Variants in ASTN2 observed in about 807,000 individuals in gnomAD.
ASTN2 encodes astrotactin-2.
A neutral mutation model predicts 139.8 loss-of-function variants in ASTN2; 54 were observed. The observed-to-expected ratio is 0.39, with a 90% CI of 0.31 to 0.48. ASTN2 has a LOEUF of 0.48. ASTN2 is among the 20% of genes least tolerant of loss of function. ASTN2 has a pLI of 0.95. For missense variants in ASTN2, 1,565 were observed against 1,725.1 expected (o/e 0.91, Z 1.64); for synonymous variants, 756 against 719.5 (o/e 1.05, Z -0.81).
chr9:117,272,698 G>C (rs1367964796), intron 2 of ASTN2, among the ~76,000 whole-genome samples: 1 of 152,104 alleles, frequency 6.6e-6, no homozygotes, highest in African/African-American at 2.4e-5. Context: ...CAAATCTCTA[G>C]GGCAAGGGCA....
intron 11 of ASTN2, among the ~76,000 whole-genome samples, chr9:116,827,312 C>A (rs868635077): frequency 0.034 from 2,657 of 77,138 alleles, 49 homozygotes; most frequent in African/African-American, 0.1. Context: ...TCCATCCCCC[C>A]CAAAAAAAAA....
At chr9:117,096,962 G>T (rs1430208526) in intron 4 of ASTN2, among the ~76,000 whole-genome samples, 1 of 152,194 alleles carries the variant, frequency 6.6e-6, no homozygotes, top group Non-Finnish European at 1.5e-5. Context: ...GGGAGGCCTT[G>T]GGTGCCAAAC....
At chr9:116,630,846 C>CA (rs142394893) in intron 17 of ASTN2, among the ~76,000 whole-genome samples, 3,587 of 151,500 alleles carry the variant, frequency 0.024, 138 homozygotes, top group African/African-American at 0.082. Context: ...TATATAATAG[C>CA]AAAAAAATCC....
chr9:117,140,527 G>A (rs963838469), intron 4 of ASTN2, among the ~76,000 whole-genome samples: 4 of 152,016 alleles, frequency 2.6e-5, no homozygotes, highest in Middle Eastern at 3.4e-3. Context: ...ATAGATGGTA[G>A]AAGAAGAAAG....
chr9:116,978,522 C>CACACACAG (rs138804229), intron 7 of ASTN2, among the ~76,000 whole-genome samples: 9 of 150,278 alleles, frequency 6.0e-5, no homozygotes, highest in African/African-American at 2.0e-4. Flanking sequence ...CACACACACA[C>CACACACAG]AGAGAGATAA....
chr9:116,618,172 C>G (rs1855946270), intron 19 of ASTN2, 152 bp downstream of exon 19: 1 of 760,864 alleles, frequency 1.3e-6, no homozygotes, highest in Non-Finnish European at 2.0e-6. Flanking sequence ...TACAAAACAG[C>G]ACACAAGGAT....
chr9:116,604,237 C>T (rs1855069220), intron 19 of ASTN2, among the ~76,000 whole-genome samples: 1 of 152,068 alleles, frequency 6.6e-6, no homozygotes, highest in South Asian at 2.1e-4. Flanking sequence ...CTATAAAGAA[C>T]TTTGTGATAT....
chr9:116,838,210 C>T (rs1214577490), intron 11 of ASTN2, among the ~76,000 whole-genome samples: 4 of 150,888 alleles, frequency 2.7e-5, no homozygotes, highest in Admixed American at 6.6e-5. Context: ...CCCAGGTTCA[C>T]GCGATTCTCC....
chr9:117,189,841 A>G (rs1831301071), intron 3 of ASTN2, among the ~76,000 whole-genome samples: 2 of 152,306 alleles, frequency 1.3e-5, no homozygotes, highest in South Asian at 4.1e-4. Context: ...AGAGAGTGGT[A>G]TCCTTTCCTA....
At chr9:116,675,265 T>C (rs1859436041) in intron 16 of ASTN2, among the ~76,000 whole-genome samples, 1 of 152,174 alleles carries the variant, frequency 6.6e-6, no homozygotes. Flanking sequence ...ACTGTAGCCC[T>C]ATCACAGGGT....
intron 5 of ASTN2, among the ~76,000 whole-genome samples, chr9:117,073,104 TGAAAGA>T (rs1358916318): frequency 6.6e-6 from 1 of 151,990 alleles, no homozygotes; most frequent in Non-Finnish European, 1.5e-5. Context: ...TCAAACAAAA[TGAAAGA>T]GAAAGACTGC....
At chr9:116,902,484 G>A (rs953352096) in intron 10 of ASTN2, among the ~76,000 whole-genome samples, 1 of 152,080 alleles carries the variant, frequency 6.6e-6, no homozygotes, top group Non-Finnish European at 1.5e-5. Context: ...TCTATGCTTA[G>A]ATACACAAAT....
chr9:117,202,717 G>A (rs1406017012), intron 3 of ASTN2, among the ~76,000 whole-genome samples: 1 of 152,120 alleles, frequency 6.6e-6, no homozygotes, highest in Admixed American at 6.5e-5. Context: ...TTATTCTGAT[G>A]GGCTTCCCTT....
intron 16 of ASTN2, among the ~76,000 whole-genome samples, chr9:116,718,528 C>T (rs1259526401): frequency 1.3e-5 from 2 of 152,068 alleles, no homozygotes; most frequent in East Asian, 3.9e-4. Flanking sequence ...ACTATTTGGT[C>T]AAATAGTATT....
chr9:116,844,494 A>C (rs115538761), intron 11 of ASTN2, among the ~76,000 whole-genome samples: 1 of 152,144 alleles, frequency 6.6e-6, no homozygotes, highest in Admixed American at 6.5e-5. Context: ...TGTCTTTGCC[A>C]CTTACTAACC....
intron 4 of ASTN2, among the ~76,000 whole-genome samples, chr9:117,114,344 C>G (rs914193988): frequency 1.3e-5 from 2 of 152,086 alleles, no homozygotes; most frequent in Non-Finnish European, 2.9e-5. Context: ...GATGAGTATC[C>G]TCACTTCTCC....
Position 116,436,491 on chromosome 9 carries a change from C to T in ASTN2, c.3782+4118G>A, listed in dbSNP as rs181416195. On this transcript the variant is annotated intron_variant, in intron 22 of 22. Coordinates refer to ENST00000313400, the MANE Select transcript of ASTN2 (RefSeq NM_001365068.1). ...TAGCACTTACTTACAAATGTGAATA[C>T]GACATAAGGGATCACTAACTATACA... is the stretch of plus-strand genomic sequence containing the variant. Among the ~76,000 whole-genome samples, 250 of 152,174 alleles carry T rather than the reference C, an allele frequency of 1.6e-3. 3 individuals carry two copies. Among genetic ancestry groups the T allele is most frequent in the African/African-American group, 5.6e-3 (233 of 41,520 alleles).
intron 13 of ASTN2, among the ~76,000 whole-genome samples, chr9:116,759,321 G>T (rs1359751853): frequency 6.6e-6 from 1 of 152,152 alleles, no homozygotes; most frequent in South Asian, 2.1e-4. Flanking sequence ...TAGAGTAAAA[G>T]CAAATAATTT....
At chr9:117,175,781 G>A (rs1830901173) in intron 3 of ASTN2, among the ~76,000 whole-genome samples, 1 of 151,956 alleles carries the variant, frequency 6.6e-6, no homozygotes, top group South Asian at 2.1e-4. Context: ...GAAATTATAG[G>A]TGCATAACTA....
Sources: allele counts gnomAD v4.1 joint callset (sites outside exome capture counted in the v4.1 genomes callset), GRCh38; gene constraint gnomAD v4.1.1; transcripts MANE v1.5; gene names NCBI Gene and HGNC (gene_info 2026-07-23, HGNC 2026-07-21).